CHRM3: variants seen among roughly 807,000 people sequenced by gnomAD.
CHRM3 encodes the protein muscarinic acetylcholine receptor M3.
A neutral mutation model predicts 41.8 loss-of-function variants in CHRM3; 11 were observed. That is an observed-to-expected ratio of 0.26 (90% CI 0.17 to 0.44). The LOEUF is 0.44. CHRM3 is among the 20% of genes least tolerant of loss of function. The pLI is 1.00. For synonymous variants in CHRM3, 297 were observed against 301.4 expected (o/e 0.99, Z 0.15); for missense variants, 571 against 745.4 (o/e 0.77, Z 2.72).
intron 5 of CHRM3, among the ~76,000 whole-genome samples, chr1:239,690,032 C>CAGAG (rs201459737): frequency 1.4e-5 from 2 of 146,340 alleles, no homozygotes; most frequent in African/African-American, 5.1e-5. Context: ...GAGAGAGAGA[C>CAGAG]AGAGAGAGAG....
At chr1:239,509,760 G>A (rs1466337667) in intron 2 of CHRM3, among the ~76,000 whole-genome samples, 1 of 152,174 alleles carries the variant, frequency 6.6e-6, no homozygotes, top group Non-Finnish European at 1.5e-5. Context: ...TAGATATCGT[G>A]TATGCTGGGT....
rs1553356897 is a variant in CHRM3 at position 239,662,912 on chromosome 1, T to TCTTCTTCTTCTTCTTCTTCTTCTTCTC, written c.-249-15254_-249-15253insTCTTCTCCTTCTTCTTCTTCTTCTTCT. ...CTCCTCCTCTTCTTCTTCTTCTTCT[T>TCTTCTTCTTCTTCTTCTTCTTCTTCTC]CTTCTTCTTCTTCTTCTTCTCCTCT... On this transcript the variant is annotated intron_variant, in intron 4 of 6. Transcript: ENST00000676153. 5.0e-3 allele frequency among the ~76,000 whole-genome samples: 526 copies of TCTTCTTCTTCTTCTTCTTCTTCTTCTC among 105,178 alleles called. 36 individuals carry two copies. Among genetic ancestry groups the TCTTCTTCTTCTTCTTCTTCTTCTTCTC allele is most frequent in the East Asian group, 0.013 (37 of 2,750 alleles). 69.0% of individuals were successfully genotyped at this position (105,178 alleles called of 152,430 possible). A position where few individuals can be genotyped will look rare whatever the true frequency, so the allele number is the denominator to read the frequency against.
At chr1:239,866,564 C>G (rs182700486) in intron 6 of CHRM3, among the ~76,000 whole-genome samples, 5 of 152,164 alleles carry the variant, frequency 3.3e-5, no homozygotes, top group Admixed American at 3.3e-4. Flanking sequence ...AACAGGAGAT[C>G]AAGGATTCAG....
intron 6 of CHRM3, among the ~76,000 whole-genome samples, chr1:239,837,542 C>G (rs1266575220): frequency 6.6e-6 from 1 of 152,162 alleles, no homozygotes; most frequent in East Asian, 1.9e-4. Context: ...GAAACTTAAT[C>G]ATTACAATAT....
intron 3 of CHRM3, among the ~76,000 whole-genome samples, chr1:239,590,091 A>G (rs1432509926): frequency 6.6e-6 from 1 of 152,144 alleles, no homozygotes; most frequent in East Asian, 1.9e-4. Flanking sequence ...ATGGATCCAC[A>G]AGATTCAAGG....
intron 2 of CHRM3, among the ~76,000 whole-genome samples, chr1:239,535,362 C>A (rs1027158775): frequency 1.3e-5 from 2 of 151,722 alleles, no homozygotes; most frequent in Non-Finnish European, 2.9e-5. Context: ...TGTCTTCTCT[C>A]TCCAAAGGGA....
intron 5 of CHRM3, among the ~76,000 whole-genome samples, chr1:239,807,048 A>T (rs185645167): frequency 2.6e-5 from 4 of 152,278 alleles, no homozygotes; most frequent in Non-Finnish European, 5.9e-5. Context: ...TAATTTCTTT[A>T]TTTGGGGTTG....
At chr1:239,701,877 C>T (rs186175880) in intron 5 of CHRM3, among the ~76,000 whole-genome samples, 31 of 152,224 alleles carry the variant, frequency 2.0e-4, no homozygotes, top group African/African-American at 6.0e-4. Flanking sequence ...TATCAACTAT[C>T]CAAATCTTAT....
Position 239,615,242 on chromosome 1 carries a change from A to C in CHRM3, c.-312-16982A>C, listed in dbSNP as rs571722977. The stretch of plus-strand genomic sequence containing the variant: ...TATGCTACTTTATTTCATGCTTTCA[A>C]AAACTTATGTAAGGTGAGCATCTCT... On this transcript the variant is annotated intron_variant, in intron 3 of 6. Coordinates refer to ENST00000676153, the MANE Select transcript of CHRM3 (RefSeq NM_001375978.1). Among the ~76,000 whole-genome samples, 31 of 152,308 alleles carry C rather than the reference A, an allele frequency of 2.0e-4. No homozygotes were observed. The East Asian group carries it at 4.4e-3, about 22-fold the overall frequency.
At chr1:239,688,003 C>T (rs1659314315) in intron 5 of CHRM3, among the ~76,000 whole-genome samples, 1 of 151,964 alleles carries the variant, frequency 6.6e-6, no homozygotes, top group African/African-American at 2.4e-5. Flanking sequence ...TCAAATACGA[C>T]TGCTCTTAAA....
intron 6 of CHRM3, among the ~76,000 whole-genome samples, chr1:239,830,103 A>AT (rs66979669): frequency 0.44 from 66,469 of 152,004 alleles, 16,027 homozygotes; most frequent in South Asian, 0.55. Flanking sequence ...AACATCATGG[A>AT]TTTTCAAATC....
At chr1:239,560,846 A>C (rs1454871373) in intron 3 of CHRM3, among the ~76,000 whole-genome samples, 1 of 152,090 alleles carries the variant, frequency 6.6e-6, no homozygotes, top group Non-Finnish European at 1.5e-5. Context: ...CTAAATTAAC[A>C]TGTCCAAAAC....
chr1:239,419,781 C>T (rs1338652873), intron 1 of CHRM3, among the ~76,000 whole-genome samples: 1 of 152,164 alleles, frequency 6.6e-6, no homozygotes, highest in Non-Finnish European at 1.5e-5. Flanking sequence ...TCAGCCTTTT[C>T]CCTGTACATT....
intron 5 of CHRM3, among the ~76,000 whole-genome samples, chr1:239,820,228 C>G (rs1433164464): frequency 3.3e-5 from 5 of 152,134 alleles, no homozygotes. Flanking sequence ...ACCCAGTATC[C>G]CAGTGGTGCA....
chr1:239,731,829 G>T (rs1418539971), intron 5 of CHRM3, among the ~76,000 whole-genome samples: 2 of 151,820 alleles, frequency 1.3e-5, no homozygotes, highest in East Asian at 1.9e-4. Context: ...TTGCCTCCAG[G>T]GTTTGGCAGA....
chr1:239,888,379 GGAAAAAA>G (rs1678248071), intron 6 of CHRM3, among the ~76,000 whole-genome samples: 1 of 149,668 alleles, frequency 6.7e-6, no homozygotes, highest in Non-Finnish European at 1.5e-5. Flanking sequence ...AAAAAAAAAA[GGAAAAAA>G]GAAAAAAGAA....
intron 1 of CHRM3, among the ~76,000 whole-genome samples, chr1:239,487,885 A>T (rs1335409067): frequency 6.6e-6 from 1 of 151,878 alleles, no homozygotes; most frequent in Non-Finnish European, 1.5e-5. Flanking sequence ...CACAAAGACA[A>T]AAAAAAGAAA....
chr1:239,654,846 T>TA (rs1672570422), intron 4 of CHRM3, among the ~76,000 whole-genome samples: 1 of 152,116 alleles, frequency 6.6e-6, no homozygotes, highest in African/African-American at 2.4e-5. Context: ...GGAAAAATAA[T>TA]AAGACCCCAA....
intron 3 of CHRM3, among the ~76,000 whole-genome samples, chr1:239,561,607 G>C (rs1660865675): frequency 6.6e-6 from 1 of 151,492 alleles, no homozygotes; most frequent in East Asian, 1.9e-4. Flanking sequence ...ATAGATAATA[G>C]TAATAGTATC....
Sources: allele counts gnomAD v4.1 joint callset (sites outside exome capture counted in the v4.1 genomes callset), GRCh38; gene constraint gnomAD v4.1.1; transcripts MANE v1.5; gene names NCBI Gene and HGNC (gene_info 2026-07-23, HGNC 2026-07-21).